PAICS: variants seen among roughly 807,000 people sequenced by gnomAD.
The protein encoded by PAICS is phosphoribosylaminoimidazole carboxylase and phosphoribosylaminoimidazolesuccinocarboxamide synthase, also known as bifunctional phosphoribosylaminoimidazole carboxylase/phosphoribosylaminoimidazole succinocarboxamide synthetase.
In PAICS, 33 loss-of-function variants were observed where a neutral mutation model predicts 53.7. The ratio of observed to expected loss-of-function variants is 0.61; its 90% CI spans 0.47 to 0.82. The LOEUF is 0.82. Among genes scored for constraint, PAICS ranks in the 40% least tolerant of loss-of-function variants. PAICS has a pLI of 0.00. For missense variants in PAICS, 394 were observed against 494.1 expected (o/e 0.80, Z 1.92); for synonymous variants, 141 against 167.2 (o/e 0.84, Z 1.21).
intron 1 of PAICS, among the ~76,000 whole-genome samples, chr4:56,439,576 T>C (rs1718233415): frequency 6.6e-6 from 1 of 152,184 alleles, no homozygotes; most frequent in Admixed American, 6.5e-5. Flanking sequence ...TCCTCCATGA[T>C]GAATTCTCAA....
chr4:56,463,475 C>T lies in PAICS; in HGVS notation c.*3937C>T, dbSNP rs1719582433. 1 of 151,904 alleles carries T rather than the reference C, an allele frequency of 6.6e-6. No homozygotes were observed. Among genetic ancestry groups the T allele is most frequent in the Non-Finnish European group, 1.5e-5 (1 of 68,160 alleles). 9.4% of individuals were successfully genotyped at this position (151,904 alleles called of 1,614,324 possible). ...TTGGGAGGGTGAGGTGGGCAGATCA[C>T]CTGAGGTCGGGAGTTCAAGACCAGC... On this transcript the variant is annotated 3_prime_UTR_variant, in exon 9 of 9. Transcript: ENST00000512576.
the PAICS span, chr4:56,420,548 TC>T: frequency 2.6e-3 from 392 of 152,236 alleles, 2 homozygotes; most frequent in African/African-American, 8.5e-3. Context: ...CATTTGATCT[TC>T]CCCAGAATAG....
intron 8 of PAICS, among the ~76,000 whole-genome samples, chr4:56,454,895 T>C (rs1243560841): frequency 2.0e-5 from 3 of 152,170 alleles, no homozygotes; most frequent in African/African-American, 4.8e-5. Flanking sequence ...CAGTGGCTCA[T>C]GCCTGTCATC....
chr4:56,437,142 AAGT>A (rs939778560), intron 1 of PAICS, among the ~76,000 whole-genome samples: 2 of 149,760 alleles, frequency 1.3e-5, no homozygotes, highest in Non-Finnish European at 3.0e-5. Flanking sequence ...GTGCGTGTTT[AAGT>A]AGTCTTTGAT....
Position 56,453,713 on chromosome 4 carries a change from C to A in PAICS, c.1063C>A (p.Pro355Thr). The change falls in exon 8 of 9, where the codon CCA becomes ACA. Residue 355 changes from proline (P) to threonine (T), a missense_variant. Pro to Thr is a conservative substitution (Grantham distance 38). This residue lies in a region of PAICS where 95 missense variants were observed against 89.3 expected (regional missense o/e 1.06). Transcript: ENST00000512576. ...YPVISCPPLT[P>T]DWGVQDVWSS... ...AGTTATCAGCTGTCCTCCCCTCACA[C>A]CAGACTGGGGAGTTCAGGATGTGTG... is the stretch of plus-strand genomic sequence containing the variant. 6.4e-7 allele frequency: 1 copy of A among 1,553,798 alleles called. No homozygotes were observed. The highest frequency in any genetic ancestry group is 2.0e-5 in the Admixed American group (1 of 51,180).
At position 56,446,701 on chromosome 4, in the gene PAICS, A is replaced by G; in HGVS notation, c.221A>G (p.Lys74Arg). 1 of 1,591,008 alleles carries G rather than the reference A, an allele frequency of 6.3e-7. No individual in the cohort carries two copies. Among genetic ancestry groups the G allele is most frequent in the Admixed American group, 1.8e-5 (1 of 57,022 alleles). ...TTTGGTTATCAATATGTAGGTATTA[A>G]AACTGCCTTCACCAGAAAATGTGGG... ...IFQLLQEAGI[K>R]TAFTRKCGET... The change falls in exon 3 of 9, where the codon AAA (lysine) becomes AGA (arginine). Residue 74 changes from lysine (K) to arginine (R), a missense_variant. Physicochemically the swap from Lys to Arg is conservative, Grantham distance 26. Transcript: ENST00000512576.
At chr4:56,411,235 G>C in the PAICS span, among the ~76,000 whole-genome samples, 2 of 152,110 alleles carry the variant, frequency 1.3e-5, no homozygotes, top group African/African-American at 4.8e-5. Context: ...AATTTTATAA[G>C]AGTGGTAAAT....
In PAICS at chr4:56,446,788, T is replaced by A; in HGVS notation, c.308T>A (p.Ile103Lys). Residue 103 changes from isoleucine to lysine, a missense_variant, in exon 3 of 9, where the codon ATA (isoleucine) becomes AAA (lysine). Physicochemically the swap from Ile to Lys is moderately radical, Grantham distance 102. Transcript: ENST00000512576. ...MIPIEWVCRR[I>K]ATGSFLKRNP... ...CCAATTGAATGGGTTTGCAGAAGAA[T>A]AGCAACTGGTTCTTTTCTCAAAAGA... is the stretch of plus-strand genomic sequence containing the variant. 3 of 1,608,356 alleles carry A rather than the reference T, an allele frequency of 1.9e-6. No individual in the cohort carries two copies. Among genetic ancestry groups the A allele is most frequent in the Non-Finnish European group, 1.7e-6 (2 of 1,176,532 alleles).
rs776558906 is a variant in PAICS, at chr4:56,459,362, G to T, written c.1112-10G>T. On this transcript the variant is annotated splice_polypyrimidine_tract_variant and intron_variant, in intron 8 of 8. Transcript: ENST00000512576. ...CTCAATTTTCTGTCTTTTCCTTGCT[G>T]AACCAATAGGTCTTGGCTGTTCAAC... 1 of 1,521,372 alleles carries T rather than the reference G, an allele frequency of 6.6e-7. No homozygotes were observed. The highest frequency in any genetic ancestry group is 1.3e-5 in the South Asian group (1 of 77,874). 94.2% of individuals were successfully genotyped at this position (1,521,372 alleles called of 1,614,324 possible).
intron 1 of PAICS, 66 bp downstream of exon 1, chr4:56,436,394 G>A (rs542758758): frequency 1.6e-6 from 2 of 1,263,640 alleles, no homozygotes; most frequent in South Asian, 1.3e-5. Flanking sequence ...TCGCGGCCAC[G>A]TGCGAGCCGC....
the PAICS span, chr4:56,420,384 T>A: frequency 6.6e-6 from 1 of 152,236 alleles, no homozygotes; most frequent in African/African-American, 2.4e-5. Flanking sequence ...AAGTTTCAAA[T>A]TTTGTAGCAT....
At chr4:56,435,654 C>A (rs989710463), upstream of PAICS, 325 of 1,430,620 alleles carry the variant, frequency 2.3e-4, no homozygotes, top group Non-Finnish European at 2.7e-4. Context: ...GTGGCCAGCT[C>A]AGCCCTGCTC....
chr4:56,448,586 G>A lies in PAICS; in HGVS notation c.562G>A (p.Val188Ile), dbSNP rs1364600243. The change falls in exon 4 of 9, where the codon GTT becomes ATT. Residue 188 changes from valine to isoleucine, a missense_variant. Val to Ile is a conservative substitution (Grantham distance 29). Around this residue, in one of 3 missense-constraint regions of PAICS, gnomAD observed 131 missense variants for 205.5 expected, o/e 0.64. Transcript: ENST00000512576. ...KSWLPQNCTL[V>I]DMKIEFGVDV... ...CTGGTTGCCCCAGAATTGTACACTG[G>A]TTGATATGAAGGTACAGATAAAACA... 1.3e-6 allele frequency: 2 copies of A among 1,599,166 alleles called. No homozygotes were observed. Among genetic ancestry groups the A allele is most frequent in the Admixed American group, 1.7e-5 (1 of 58,360 alleles).
chr4:56,417,842 GTTTT>G, the PAICS span, among the ~76,000 whole-genome samples: 1 of 136,166 alleles, frequency 7.3e-6, no homozygotes. Flanking sequence ...TTGGTTTTTT[GTTTT>G]TTTTTTTTTT....
At chr4:56,429,241 G>T in the PAICS span, among the ~76,000 whole-genome samples, 1 of 152,138 alleles carries the variant, frequency 6.6e-6, no homozygotes, top group Non-Finnish European at 1.5e-5. Context: ...AAGAGTGAGA[G>T]TAACACTGAA....
In PAICS at chr4:56,448,801, G is replaced by A. The variant is rs761243513; in HGVS notation, c.665G>A (p.Arg222Gln). Residue 222 changes from arginine (R) to glutamine (Q), a missense_variant, in exon 5 of 9, where the codon CGA (arginine) becomes CAA (glutamine). Coordinates refer to ENST00000512576, the MANE Select transcript of PAICS (RefSeq NM_001079524.2). The stretch of plus-strand genomic sequence containing the variant: ...TGGAGACTCTGGCCATCAGGAGATC[G>A]AAGCCAACAGAAAGACAAACAGGTA... ...DSWRLWPSGDRSQQKDKQSYR... is the reference protein window; with the variant it reads ...DSWRLWPSGDQSQQKDKQSYR... 17 of 1,572,800 alleles carry A rather than the reference G, an allele frequency of 1.1e-5. No individual in the cohort carries two copies. Among genetic ancestry groups the A allele is most frequent in the South Asian group, 8.0e-5 (7 of 87,080 alleles).
In PAICS at chr4:56,437,256, GGTGTGTGT is replaced by G. The variant is rs57161391; in HGVS notation, c.16+963_16+970del. ...TTTAGGTAGTCTTTGATGCCATGAT[GGTGTGTGT>G]GTGTGTGTGTGTGTGTGTGTGTGTG... On this transcript the variant is annotated intron_variant, in intron 1 of 8. Coordinates refer to ENST00000512576, the MANE Select transcript of PAICS (RefSeq NM_001079524.2). Among the ~76,000 whole-genome samples, 809 of 124,394 alleles carry G rather than the reference GGTGTGTGT, an allele frequency of 6.5e-3. 4 individuals are homozygous for G. Among genetic ancestry groups the G allele is most frequent in the African/African-American group, 7.6e-3 (242 of 31,718 alleles). 81.6% of individuals were successfully genotyped at this position (124,394 alleles called of 152,430 possible).
At chr4:56,453,319 G>A (rs1161066994) in intron 7 of PAICS, among the ~76,000 whole-genome samples, 1 of 152,050 alleles carries the variant, frequency 6.6e-6, no homozygotes, top group Non-Finnish European at 1.5e-5. Context: ...AGGCCTATGA[G>A]CTATTCCCTC....
intron 3 of PAICS, 65 bp downstream of exon 3, chr4:56,446,938 C>T (rs1718651749): frequency 5.0e-6 from 5 of 1,001,812 alleles, no homozygotes; most frequent in East Asian, 5.4e-5. Flanking sequence ...TAATTAGAAA[C>T]TCTAAAGGTT....
Sources: allele counts gnomAD v4.1 joint callset (sites outside exome capture counted in the v4.1 genomes callset), GRCh38; gene constraint gnomAD v4.1.1; regional missense constraint gnomAD v4.1.1; transcripts MANE v1.5; gene names NCBI Gene and HGNC (gene_info 2026-07-23, HGNC 2026-07-21).